The following AMPH variants were observed in gnomAD, a reference collection of about 807,000 sequenced individuals.
AMPH encodes the protein amphiphysin (Stiff-Mann syndrome with breast cancer 128kD autoantigen).
A neutral mutation model predicts 99.1 loss-of-function variants in AMPH; 49 were observed. The ratio of observed to expected loss-of-function variants is 0.49; its 90% CI spans 0.39 to 0.63. The LOEUF (loss-of-function observed/expected upper bound fraction) is 0.63, where lower values mean the gene tolerates loss of function less well. Among genes scored for constraint, AMPH ranks in the 20% least tolerant of loss-of-function variants. The pLI, the probability that AMPH is intolerant of heterozygous loss-of-function variation, is 0.00. For synonymous variants in AMPH, 314 were observed against 317.3 expected (o/e 0.99, Z 0.11); for missense variants, 759 against 863.4 (o/e 0.88, Z 1.52).
chr7:38,570,384 T>A (rs950337866), intron 1 of AMPH, among the ~76,000 whole-genome samples: 3 of 152,094 alleles, frequency 2.0e-5, no homozygotes, highest in Non-Finnish European at 1.5e-5. Context: ...TTCAAGGATT[T>A]ACAGTACAGT....
Position 38,422,462 on chromosome 7 carries a change from A to G in AMPH, c.1231T>C (p.Leu411=). 6.2e-7 allele frequency: 1 copy of G among 1,613,676 alleles called. No homozygotes were observed. Among genetic ancestry groups the G allele is most frequent in the Non-Finnish European group, 8.5e-7 (1 of 1,179,700 alleles). ...CTCTGGTCTGTCTGCATTGTGAATA[A>G]TGAAGTATCCTGGGGCTGAAAATCA... ...NGFTQPQDTS[L]FTMQTDQSMI... is the part of the protein sequence containing the mutation. The change falls in exon 16 of 21, where the codon TTA becomes CTA. Residue 411 remains leucine, a synonymous_variant. Transcript: ENST00000356264.
chr7:38,555,909 A>G (rs1042683776), intron 1 of AMPH, among the ~76,000 whole-genome samples: 3 of 152,136 alleles, frequency 2.0e-5, no homozygotes, highest in African/African-American at 7.2e-5. Flanking sequence ...GGAGCTGAGC[A>G]TTGGGTACAC....
At chr7:38,508,963 G>A (rs1395159018) in intron 2 of AMPH, among the ~76,000 whole-genome samples, 2 of 152,080 alleles carry the variant, frequency 1.3e-5, no homozygotes, top group African/African-American at 4.8e-5. Context: ...AAAGACATTA[G>A]GCCACTGAGC....
chr7:38,509,602 G>C (rs4275132), intron 2 of AMPH, among the ~76,000 whole-genome samples: 1 of 152,194 alleles, frequency 6.6e-6, no homozygotes, highest in Non-Finnish European at 1.5e-5. Flanking sequence ...ACAGCTGGAA[G>C]ATCTGCTTTA....
At chr7:38,488,975 A>T (rs1482055557) in intron 5 of AMPH, among the ~76,000 whole-genome samples, 1 of 39,202 alleles carries the variant, frequency 2.6e-5, no homozygotes, top group Non-Finnish European at 4.8e-5. Context: ...TGGAATTTTT[A>T]ACAGAAAGTT....
At chr7:38,522,554 C>T (rs373746571) in intron 2 of AMPH, among the ~76,000 whole-genome samples, 4 of 151,998 alleles carry the variant, frequency 2.6e-5, no homozygotes, top group African/African-American at 9.7e-5. Context: ...AACTCAGCTA[C>T]GGTGCTAAGC....
intron 17 of AMPH, among the ~76,000 whole-genome samples, chr7:38,399,770 T>C (rs772788780): frequency 6.6e-6 from 1 of 152,218 alleles, no homozygotes; most frequent in Non-Finnish European, 1.5e-5. Flanking sequence ...CCCAGTGCTA[T>C]CAAATGTTTC....
chr7:38,628,383 A>G (rs1259382061), intron 1 of AMPH, among the ~76,000 whole-genome samples: 3 of 152,240 alleles, frequency 2.0e-5, no homozygotes, highest in African/African-American at 7.2e-5. Context: ...CTTGGATGCA[A>G]TAAGTCTTCT....
At chr7:38,557,775 T>C (rs1791418329) in intron 1 of AMPH, among the ~76,000 whole-genome samples, 1 of 152,006 alleles carries the variant, frequency 6.6e-6, no homozygotes, top group Non-Finnish European at 1.5e-5. Context: ...AAAAATTGAA[T>C]AAAATAATTT....
intron 15 of AMPH, among the ~76,000 whole-genome samples, chr7:38,423,399 G>GA (rs1301798166): frequency 2.0e-5 from 3 of 152,010 alleles, no homozygotes; most frequent in Non-Finnish European, 2.9e-5. Context: ...CCAGCTCAAG[G>GA]AAAAAAACAA....
At chr7:38,610,124 T>C (rs980710918) in intron 1 of AMPH, among the ~76,000 whole-genome samples, 3 of 149,326 alleles carry the variant, frequency 2.0e-5, no homozygotes, top group African/African-American at 7.4e-5. Context: ...TAATCCCAGC[T>C]ACTCGGGAGG....
chr7:38,388,589 G>A (rs1292130803), intron 20 of AMPH, among the ~76,000 whole-genome samples: 1 of 151,472 alleles, frequency 6.6e-6, no homozygotes, highest in Non-Finnish European at 1.5e-5. Context: ...ATTTAGAAGT[G>A]TATTTTAAAA....
intron 2 of AMPH, among the ~76,000 whole-genome samples, chr7:38,519,011 C>T (rs537744701): frequency 6.6e-5 from 10 of 152,288 alleles, no homozygotes; most frequent in East Asian, 1.9e-4. Flanking sequence ...ATCATGGCAG[C>T]GAGCTAGTTA....
intron 5 of AMPH, among the ~76,000 whole-genome samples, chr7:38,487,731 C>G (rs1788559427): frequency 6.6e-6 from 1 of 152,112 alleles, no homozygotes; most frequent in African/African-American, 2.4e-5. Context: ...TCAGAGTAAA[C>G]AGACAACCTA....
chr7:38,630,111 G>A (rs1271364324), intron 1 of AMPH, among the ~76,000 whole-genome samples: 1 of 152,130 alleles, frequency 6.6e-6, no homozygotes, highest in Admixed American at 6.5e-5. Context: ...GCCATCCTGA[G>A]CAACATGGCA....
chr7:38,595,613 T>C (rs977838065), intron 1 of AMPH, among the ~76,000 whole-genome samples: 5 of 152,134 alleles, frequency 3.3e-5, no homozygotes, highest in Non-Finnish European at 7.3e-5. Flanking sequence ...CATGTACAGG[T>C]TTTTTACATG....
In AMPH at chr7:38,469,153, CAAAAAAAAAAAAAAAA is replaced by C. The variant is rs869172352; in HGVS notation, c.591-2921_591-2906del. 1.7e-4 allele frequency among the ~76,000 whole-genome samples: 5 copies of C among 28,886 alleles called. 1 individual carries two copies. Among genetic ancestry groups the C allele is most frequent in the Admixed American group, 1.6e-3 (2 of 1,264 alleles). 19.0% of individuals were successfully genotyped at this position (28,886 alleles called of 152,430 possible). A position where few individuals can be genotyped will look rare whatever the true frequency, so the allele number is the denominator to read the frequency against. On this transcript the variant is annotated intron_variant, in intron 7 of 20. Transcript: ENST00000356264. ...TGGGCGACAGAGCGAGACTCCGCCTCAAAAAAAAAAAAAAAAAAAAAAAAAAAAAAAAAAAGAACAT... is the reference window on the plus strand; with the variant it reads ...TGGGCGACAGAGCGAGACTCCGCCTCAAAAAAAAAAAAAAAAAAAGAACAT...
At position 38,554,578 on chromosome 7, in the gene AMPH, A is replaced by G. The variant is rs533757675; in HGVS notation, c.70-19567T>C. On this transcript the variant is annotated intron_variant, in intron 1 of 20. Transcript: ENST00000356264. ...TATAATAGCAAAACAGTAATGGCAA[A>G]CTAAATATCCAAAAATAGTTAGTTA... Among the ~76,000 whole-genome samples the G allele has an allele frequency of 1.1e-3, 164 of 152,360 alleles. 1 individual carries two copies. Among genetic ancestry groups the G allele is most frequent in the African/African-American group, 3.8e-3 (158 of 41,584 alleles).
intron 2 of AMPH, among the ~76,000 whole-genome samples, chr7:38,526,251 T>C (rs543220956): frequency 6.6e-6 from 1 of 151,720 alleles, no homozygotes; most frequent in Non-Finnish European, 1.5e-5. Context: ...TGCAATAAAA[T>C]ATATATTCAT....
Sources: gnomAD v4.1 joint callset for allele counts (sites outside exome capture counted in the v4.1 genomes callset) on GRCh38, gnomAD v4.1.1 for gene constraint, MANE v1.5 for transcripts, NCBI Gene and HGNC (gene_info 2026-07-23, HGNC 2026-07-21) for gene names.